OARD1: variants seen among roughly 807,000 people sequenced by gnomAD.
OARD1 encodes ADP-ribose glycohydrolase OARD1.
In OARD1, 19 loss-of-function variants were observed where a neutral mutation model predicts 19.7. The observed-to-expected ratio is 0.96, with a 90% CI of 0.67 to 1.41. The LOEUF (loss-of-function observed/expected upper bound fraction) is 1.41, where lower values mean the gene tolerates loss of function less well. Among genes scored for constraint, OARD1 ranks in the 40% most tolerant of loss-of-function variants. OARD1 has a pLI of 0.00. For synonymous variants in OARD1, 70 were observed against 61.8 expected (o/e 1.13, Z -0.62); for missense variants, 190 against 183.8 (o/e 1.03, Z -0.20).
Position 41,067,369 on chromosome 6 carries a change from G to A in OARD1, c.425C>T (p.Ala142Val). The change falls in exon 6 of 6, where the codon GCA becomes GTA. Residue 142 changes from alanine (A) to valine (V), a missense_variant. Ala to Val is a moderately conservative substitution (Grantham distance 64, BLOSUM62 0). Transcript: ENST00000424266. ...GTACACAGTAATTTTGATGTCTGTT[G>A]CCTCAAATACCTCCTCGATCATCGC... ...VSAMIEEVFE[A>V]TDIKITVYTL 1 of 1,612,724 alleles carries A rather than the reference G, an allele frequency of 6.2e-7. No homozygotes were observed. Among genetic ancestry groups the A allele is most frequent in the South Asian group, 1.1e-5 (1 of 91,040 alleles).
intron 1 of OARD1, among the ~76,000 whole-genome samples, chr6:41,095,383 C>G (rs1307401544): frequency 6.6e-6 from 1 of 152,176 alleles, no homozygotes; most frequent in Non-Finnish European, 1.5e-5. Context: ...TCATGCATGT[C>G]TATCTCCCTA....
intron 1 of OARD1, among the ~76,000 whole-genome samples, chr6:41,079,820 T>C (rs1442288342): frequency 6.6e-6 from 1 of 152,214 alleles, no homozygotes; most frequent in East Asian, 1.9e-4. Context: ...AGGCCAAGAT[T>C]GATATTTTGG....
At chr6:41,073,786 C>T (rs1252007377), upstream of OARD1, among the ~76,000 whole-genome samples, 1 of 152,124 alleles carries the variant, frequency 6.6e-6, no homozygotes, top group Admixed American at 6.5e-5. Context: ...CTCCGCCGCG[C>T]CCCTCCTCCC....
At chr6:41,070,848 G>A in intron 3 of OARD1, 3 of 580,160 alleles carry the variant, frequency 5.2e-6, no homozygotes, top group Non-Finnish European at 9.1e-6. Context: ...GATCTTGAAT[G>A]CCAACCTATA....
chr6:41,091,402 G>A (rs1212426095), intron 1 of OARD1: 1 of 846,830 alleles, frequency 1.2e-6, no homozygotes, highest in Non-Finnish European at 1.8e-6. Context: ...TTCTCCCCTT[G>A]TGTTTTTCAG....
At position 41,065,747 on chromosome 6, in the gene OARD1, A is replaced by G. The variant is rs1330253512; in HGVS notation, c.*1588T>C. On this transcript the variant is annotated 3_prime_UTR_variant, in exon 6 of 6. Transcript: ENST00000424266. ...GATAAGAACACAGTCTAAAGTACAA[A>G]GATTATATTTAACCAGTACTTTCCT... The G allele has an allele frequency of 6.6e-6, 1 of 152,218 alleles. No homozygotes were observed. The highest frequency in any genetic ancestry group is 1.9e-4 in the East Asian group (1 of 5,196). The allele number at this position is 152,218 out of a possible 1,614,324, so 9.4% of individuals were successfully genotyped here. A position where few individuals can be genotyped will look rare whatever the true frequency, so the allele number is the denominator to read the frequency against.
upstream of OARD1, among the ~76,000 whole-genome samples, chr6:41,076,120 A>G (rs1003752615): frequency 4.6e-5 from 7 of 152,216 alleles, no homozygotes; most frequent in African/African-American, 1.4e-4. Context: ...AATAGAAAAT[A>G]TCTGCCAGGC....
intron 5 of OARD1, among the ~76,000 whole-genome samples, 178 bp downstream of exon 5, chr6:41,068,663 T>C (rs982630868): frequency 2.6e-5 from 4 of 152,368 alleles, no homozygotes; most frequent in Admixed American, 6.5e-5. Flanking sequence ...AGCTAGAAAA[T>C]GGCTGTGCCT....
At chr6:41,075,089 A>G (rs942001128), upstream of OARD1, among the ~76,000 whole-genome samples, 1 of 152,080 alleles carries the variant, frequency 6.6e-6, no homozygotes, top group Non-Finnish European at 1.5e-5. Context: ...TGCTTAAGTG[A>G]TTTTCTTAAT....
chr6:41,080,641 T>C (rs947664976), intron 1 of OARD1, among the ~76,000 whole-genome samples: 2 of 152,272 alleles, frequency 1.3e-5, no homozygotes, highest in African/African-American at 2.4e-5. Flanking sequence ...AAAGGGCTAA[T>C]ATCTTTAATC....
Position 41,067,448 on chromosome 6 carries a change from C to A in OARD1, c.357-11G>T. ...AGACCACATCCAATCCTGAAAAAGACAAAATATCTCCATTGATGGTAACGA... is the reference window on the plus strand; with the variant it reads ...AGACCACATCCAATCCTGAAAAAGAAAAAATATCTCCATTGATGGTAACGA... On this transcript the variant is annotated splice_polypyrimidine_tract_variant and intron_variant, in intron 5 of 5. Coordinates refer to ENST00000424266, the MANE Select transcript of OARD1 (RefSeq NM_001329686.2). 6.4e-7 allele frequency: 1 copy of A among 1,570,088 alleles called. No homozygotes were observed. Among genetic ancestry groups the A allele is most frequent in the Non-Finnish European group, 8.8e-7 (1 of 1,140,530 alleles).
rs1310881160 is a variant in OARD1, at chr6:41,067,409, A to G, written c.385T>C (p.Trp129Arg). The G allele has an allele frequency of 6.2e-7, 1 of 1,613,564 alleles. No individual in the cohort carries two copies. Among genetic ancestry groups the G allele is most frequent in the Admixed American group, 1.7e-5 (1 of 59,992 alleles). Residue 129 changes from tryptophan to arginine, a missense_variant, in exon 6 of 6, where the codon TGG becomes CGG. Physicochemically the swap from Trp to Arg is moderately radical, Grantham distance 101. Coordinates refer to ENST00000424266, the MANE Select transcript of OARD1 (RefSeq NM_001329686.2). ...TCGATCATCGCAGATACATTTTCCC[A>G]TTGCAGACGATCAAGACCACATCCA... ...RIGCGLDRLQWENVSAMIEEV... is the reference protein window; with the variant it reads ...RIGCGLDRLQRENVSAMIEEV...
At chr6:41,081,031 T>G in intron 1 of OARD1, 1 of 634,740 alleles carries the variant, frequency 1.6e-6, no homozygotes, top group Non-Finnish European at 2.8e-6. Context: ...AACTTGTCTT[T>G]GAGGCTTATA....
intron 5 of OARD1, 55 bp from the exon 6 acceptor site, chr6:41,067,492 T>C: frequency 8.2e-7 from 1 of 1,213,030 alleles, no homozygotes; most frequent in Non-Finnish European, 1.2e-6. Flanking sequence ...AGGAAACTGC[T>C]CCTCTCTTTT....
chr6:41,072,044 G>A (rs925221538), intron 1 of OARD1, among the ~76,000 whole-genome samples, 192 bp downstream of exon 1: 10 of 152,140 alleles, frequency 6.6e-5, no homozygotes, highest in African/African-American at 2.4e-4. Flanking sequence ...GTCTGGCTTA[G>A]AAGAAAACAG....
At chr6:41,084,301 C>G (rs929794827) in intron 1 of OARD1, 3 of 1,268,986 alleles carry the variant, frequency 2.4e-6, no homozygotes, top group Non-Finnish European at 3.2e-6. Context: ...CTTCCTAACC[C>G]ACATTTTGCA....
At chr6:41,095,094 C>G (rs753643965) in intron 1 of OARD1, among the ~76,000 whole-genome samples, 20 of 152,168 alleles carry the variant, frequency 1.3e-4, no homozygotes, top group Non-Finnish European at 2.6e-4. Flanking sequence ...CTCTAGCCTA[C>G]TCTCCACATC....
upstream of OARD1, among the ~76,000 whole-genome samples, chr6:41,077,069 A>C (rs1763752003): frequency 6.6e-6 from 1 of 152,210 alleles, no homozygotes; most frequent in Non-Finnish European, 1.5e-5. Flanking sequence ...TACATATATT[A>C]GTCATTATGT....
In OARD1 at chr6:41,068,892, GC is replaced by G. The variant is rs1763169219; in HGVS notation, c.304del (p.Ala102GlnfsTer2). ...ATTCTTCAGACAATGAGACTTCATT[GC>G]CTCTAAACTCTTCTGTAAGTTTTCA... ...TYENLQKSLEAMKSHCLKNGV... is the reference protein window; with the variant it reads ...TYENLQKSLEXMKSHCLKNGV... On this transcript the variant is annotated frameshift_variant, in exon 5 of 6. Coordinates refer to ENST00000424266, the MANE Select transcript of OARD1 (RefSeq NM_001329686.2). LOFTEE classifies it high-confidence loss of function. 6 of 1,610,078 alleles carry G rather than the reference GC, an allele frequency of 3.7e-6. No homozygotes were observed. The highest frequency in any genetic ancestry group is 5.1e-6 in the Non-Finnish European group (6 of 1,177,930).
Sources: gnomAD v4.1 joint callset for allele counts (sites outside exome capture counted in the v4.1 genomes callset) on GRCh38, gnomAD v4.1.1 for gene constraint, MANE v1.5 for transcripts, NCBI Gene and HGNC (gene_info 2026-07-23, HGNC 2026-07-21) for gene names.